The following DYNLT2 variants were observed in gnomAD, a reference collection of about 807,000 sequenced individuals.
DYNLT2 encodes the protein dynein light chain Tctex-type protein 2.
In DYNLT2, 24 loss-of-function variants were observed where a neutral mutation model predicts 24.3. The ratio of observed to expected loss-of-function variants is 0.99; its 90% CI spans 0.71 to 1.39. DYNLT2 has a LOEUF of 1.39. Ranked by LOEUF, DYNLT2 falls within the 40% of genes most tolerant of loss-of-function variation. The pLI is 0.00. For synonymous variants in DYNLT2, 85 were observed against 85.4 expected, an observed-to-expected ratio of 1.00 and a Z score of 0.03; for missense variants, 246 against 234.5, an observed-to-expected ratio of 1.05 and a Z score of -0.32.
At chr6:169,741,370 C>T (rs894221144) in intron 3 of DYNLT2, among the ~76,000 whole-genome samples, 6 of 152,200 alleles carry the variant, frequency 3.9e-5, no homozygotes, top group Non-Finnish European at 5.9e-5. Flanking sequence ...GCCCAGGCCA[C>T]AGCTAGCCCA....
chr6:169,733,545 C>G, the DYNLT2 span, among the ~76,000 whole-genome samples: 1 of 152,174 alleles, frequency 6.6e-6, no homozygotes, highest in Non-Finnish European at 1.5e-5. Flanking sequence ...AATAGGAGAT[C>G]CTTTTCCCAT....
rs1265689070 is a variant in DYNLT2, at chr6:169,743,062, T to C, written c.486+18A>G. On this transcript the variant is annotated intron_variant, in intron 3 of 3. Coordinates refer to ENST00000366774, the MANE Select transcript of DYNLT2 (RefSeq NM_174910.3). ...TTATAGTTCTAATTGCTAGATCCTG[T>C]ATCAATGGGGTACTTACATTTATTG... 6.6e-7 allele frequency: 1 copy of C among 1,508,126 alleles called. No individual in the cohort carries two copies. The highest frequency in any genetic ancestry group is 1.4e-5 in the South Asian group (1 of 73,410). The allele number at this position is 1,508,126 out of a possible 1,614,324, so 93.4% of individuals were successfully genotyped here. A position where few individuals can be genotyped will look rare whatever the true frequency, so the allele number is the denominator to read the frequency against.
chr6:169,743,079 C>T lies in DYNLT2; in HGVS notation c.486+1G>A, dbSNP rs764936236. The T allele has an allele frequency of 4.5e-6, 7 of 1,543,698 alleles. No individual in the cohort carries two copies. On this transcript the variant is annotated splice_donor_variant, in intron 3 of 3. Coordinates refer to ENST00000366774, the MANE Select transcript of DYNLT2 (RefSeq NM_174910.3). LOFTEE classifies it high-confidence loss of function. ...AGATCCTGTATCAATGGGGTACTTA[C>T]ATTTATTGCTTGGCCAGTCTTTTGA...
chr6:169,743,943 T>C, intron 2 of DYNLT2, 125 bp downstream of exon 2: 2 of 872,890 alleles, frequency 2.3e-6, no homozygotes, highest in Non-Finnish European at 3.5e-6. Context: ...AATGACACAA[T>C]ACCTTCTGGT....
At chr6:169,733,214 A>T in the DYNLT2 span, among the ~76,000 whole-genome samples, 2 of 151,306 alleles carry the variant, frequency 1.3e-5, no homozygotes, top group African/African-American at 4.9e-5. Context: ...GATCGCAAAA[A>T]TTTTCTCCCA....
chr6:169,751,482 C>T lies in DYNLT2; in HGVS notation c.-24G>A. On this transcript the variant is annotated 5_prime_UTR_variant, in exon 1 of 4. Transcript: ENST00000366774. ...ATCTCGCTCTGTTCTCCAAGACGCC[C>T]ACCGCCTCCCCTTCACCGCCGGCGG... 1 of 1,612,378 alleles carries T rather than the reference C, an allele frequency of 6.2e-7. No homozygotes were observed. Among genetic ancestry groups the T allele is most frequent in the Non-Finnish European group, 8.5e-7 (1 of 1,179,206 alleles).
At chr6:169,749,099 A>AT (rs1224637068) in intron 1 of DYNLT2, among the ~76,000 whole-genome samples, 18 of 150,262 alleles carry the variant, frequency 1.2e-4, no homozygotes, top group Non-Finnish European at 1.9e-4. Flanking sequence ...AGTGTTTAAG[A>AT]TTTTTTTTTT....
chr6:169,732,597 C>A, the DYNLT2 span, among the ~76,000 whole-genome samples: 1 of 152,180 alleles, frequency 6.6e-6, no homozygotes, highest in Non-Finnish European at 1.5e-5. Flanking sequence ...ATCCATGTCC[C>A]TGCAAAGGAC....
the DYNLT2 span, among the ~76,000 whole-genome samples, chr6:169,726,098 T>A: frequency 2.6e-5 from 4 of 152,266 alleles, no homozygotes; most frequent in African/African-American, 4.8e-5. Context: ...TTGGCAAACC[T>A]GTCTGTTATT....
the DYNLT2 span, among the ~76,000 whole-genome samples, chr6:169,726,133 T>C: frequency 3.3e-5 from 5 of 152,380 alleles, no homozygotes; most frequent in Non-Finnish European, 7.3e-5. Flanking sequence ...CAAATGCAAA[T>C]TTATTCTGGA....
downstream of DYNLT2, chr6:169,739,057 A>T (rs558939074): frequency 2.0e-5 from 3 of 152,276 alleles, no homozygotes; most frequent in South Asian, 6.2e-4. Context: ...AGGTATTTTT[A>T]CTTGTCAATA....
the DYNLT2 span, among the ~76,000 whole-genome samples, chr6:169,734,505 A>G: frequency 6.6e-6 from 1 of 152,182 alleles, no homozygotes; most frequent in African/African-American, 2.4e-5. Context: ...GGGATGTTGA[A>G]GTTTGTCAGC....
At chr6:169,739,560 T>C (rs1321905079), downstream of DYNLT2, among the ~76,000 whole-genome samples, 3 of 152,172 alleles carry the variant, frequency 2.0e-5, no homozygotes, top group Non-Finnish European at 4.4e-5. Flanking sequence ...TCCTCATTTC[T>C]TTAAACAATT....
At chr6:169,746,576 C>A (rs182291837) in intron 1 of DYNLT2, among the ~76,000 whole-genome samples, 92 of 152,302 alleles carry the variant, frequency 6.0e-4, no homozygotes, top group African/African-American at 2.2e-3. Flanking sequence ...TTGTCAACTA[C>A]AGCCCTTTAA....
At chr6:169,735,179 T>C (rs934404479), downstream of DYNLT2, among the ~76,000 whole-genome samples, 3 of 151,986 alleles carry the variant, frequency 2.0e-5, no homozygotes, top group Admixed American at 1.3e-4. Context: ...TCTTCTCTCT[T>C]CTTATTAATC....
rs1056328289 is a variant in DYNLT2, at chr6:169,751,467, G to A, written c.-9C>T. 23 of 1,613,294 alleles carry A rather than the reference G, an allele frequency of 1.4e-5. No homozygotes were observed. The highest frequency in any genetic ancestry group is 1.9e-5 in the Non-Finnish European group (23 of 1,179,740). ...CGGCCTCGCTTCTCCATCTCGCTCTGTTCTCCAAGACGCCCACCGCCTCCC... is the reference window on the plus strand; with the variant it reads ...CGGCCTCGCTTCTCCATCTCGCTCTATTCTCCAAGACGCCCACCGCCTCCC... On this transcript the variant is annotated 5_prime_UTR_variant, in exon 1 of 4. Coordinates refer to ENST00000366774, the MANE Select transcript of DYNLT2 (RefSeq NM_174910.3).
chr6:169,738,534 G>T (rs1283622491), downstream of DYNLT2, among the ~76,000 whole-genome samples: 1 of 152,108 alleles, frequency 6.6e-6, no homozygotes, highest in Admixed American at 6.5e-5. Flanking sequence ...GGGGGAAGGG[G>T]GTTCCCCTTC....
chr6:169,748,521 G>A (rs1417902907), intron 1 of DYNLT2, among the ~76,000 whole-genome samples: 1 of 152,186 alleles, frequency 6.6e-6, no homozygotes, highest in Non-Finnish European at 1.5e-5. Flanking sequence ...TTGGCTGCGA[G>A]TAGAAGTCCC....
chr6:169,728,758 A>C, the DYNLT2 span, among the ~76,000 whole-genome samples: 2 of 152,256 alleles, frequency 1.3e-5, no homozygotes, highest in African/African-American at 4.8e-5. Context: ...AAAAGAAAAC[A>C]AAACAACTTA....
Sources: gnomAD v4.1 joint callset for allele counts (sites outside exome capture counted in the v4.1 genomes callset) on GRCh38, gnomAD v4.1.1 for gene constraint, MANE v1.5 for transcripts, NCBI Gene and HGNC (gene_info 2026-07-23, HGNC 2026-07-21) for gene names.